The following PRTG variants were observed in gnomAD, a reference collection of about 807,000 sequenced individuals.
The protein encoded by PRTG is protogenin, also known as immunoglobulin superfamily, DCC subclass, member 5.
Under a neutral mutation model 122.5 loss-of-function variants are expected in PRTG, and 67 were observed. The ratio of observed to expected loss-of-function variants is 0.55; its 90% CI spans 0.45 to 0.67. The LOEUF (loss-of-function observed/expected upper bound fraction) is 0.67, where lower values mean the gene tolerates loss of function less well. Ranked by LOEUF, PRTG falls within the 30% of genes least tolerant of loss-of-function variation. PRTG has a pLI of 0.00. For missense variants in PRTG, 1,435 were observed against 1,415.4 expected (o/e 1.01, Z -0.22); for synonymous variants, 554 against 501.1 (o/e 1.11, Z -1.41).
chr15:55,668,265 A>G (rs1205369826), intron 11 of PRTG, among the ~76,000 whole-genome samples: 1 of 152,210 alleles, frequency 6.6e-6, no homozygotes, highest in Non-Finnish European at 1.5e-5. Context: ...CTAAATGTTA[A>G]ACAACAGTAT....
chr15:55,627,132 G>A lies in PRTG; in HGVS notation c.2807-4C>T, dbSNP rs368197514. ...AGATGGTAATATCCTGAATAAACTA[G>A]AAGGGAAAACACATTTACTCAGAAT... On this transcript the variant is annotated splice_region_variant and splice_polypyrimidine_tract_variant and intron_variant, in intron 16 of 19. Coordinates refer to ENST00000389286, the MANE Select transcript of PRTG (RefSeq NM_173814.6). 6.4e-7 allele frequency: 1 copy of A among 1,572,690 alleles called. No homozygotes were observed. The highest frequency in any genetic ancestry group is 8.7e-7 in the Non-Finnish European group (1 of 1,151,920).
At chr15:55,728,344 T>C (rs1230984355) in intron 2 of PRTG, among the ~76,000 whole-genome samples, 1 of 152,168 alleles carries the variant, frequency 6.6e-6, no homozygotes, top group Non-Finnish European at 1.5e-5. Context: ...TCTATGAATA[T>C]GGATGCAAAA....
intron 2 of PRTG, among the ~76,000 whole-genome samples, chr15:55,736,641 A>C (rs2031421362): frequency 6.6e-6 from 1 of 152,098 alleles, no homozygotes; most frequent in African/African-American, 2.4e-5. Flanking sequence ...ACCCCCAAAC[A>C]ACCTTACCAA....
At chr15:55,721,387 G>A (rs149977695) in intron 2 of PRTG, among the ~76,000 whole-genome samples, 238 of 152,252 alleles carry the variant, frequency 1.6e-3, no homozygotes, top group African/African-American at 5.6e-3. Context: ...TTCCAGGTTC[G>A]TTAACATGGT....
intron 11 of PRTG, chr15:55,656,340 A>G: frequency 4.4e-6 from 2 of 455,838 alleles, no homozygotes; most frequent in Non-Finnish European, 8.8e-6. Context: ...TGATGGTTTC[A>G]TTATTAGATT....
At chr15:55,645,743 G>A (rs1009040300) in intron 11 of PRTG, among the ~76,000 whole-genome samples, 2 of 151,948 alleles carry the variant, frequency 1.3e-5, no homozygotes, top group African/African-American at 4.8e-5. Flanking sequence ...AATGCCACAG[G>A]GAACCAGTCC....
At chr15:55,711,133 G>C (rs1391530785) in intron 2 of PRTG, among the ~76,000 whole-genome samples, 1 of 149,050 alleles carries the variant, frequency 6.7e-6, no homozygotes, top group African/African-American at 2.5e-5. Flanking sequence ...TGTTAGTCAG[G>C]CTGGTCTCGA....
At chr15:55,653,939 A>C (rs1389484875) in intron 11 of PRTG, among the ~76,000 whole-genome samples, 1 of 152,192 alleles carries the variant, frequency 6.6e-6, no homozygotes, top group Non-Finnish European at 1.5e-5. Flanking sequence ...ATTCTTTTAA[A>C]AACATTTTTT....
At chr15:55,716,521 A>C (rs1372787691) in intron 2 of PRTG, among the ~76,000 whole-genome samples, 1 of 152,192 alleles carries the variant, frequency 6.6e-6, no homozygotes, top group Non-Finnish European at 1.5e-5. Flanking sequence ...TTTCAGCAGG[A>C]AGCTGCAACA....
chr15:55,646,435 G>A (rs1595617174), intron 11 of PRTG, among the ~76,000 whole-genome samples: 1 of 151,772 alleles, frequency 6.6e-6, no homozygotes, highest in East Asian at 1.9e-4. Flanking sequence ...CCATTCTCCT[G>A]CCTCAGCCTC....
At chr15:55,699,044 C>T (rs2059647715) in intron 2 of PRTG, among the ~76,000 whole-genome samples, 1 of 152,142 alleles carries the variant, frequency 6.6e-6, no homozygotes, top group South Asian at 2.1e-4. Context: ...AGAGCCTTCC[C>T]AGAATCACAG....
At position 55,680,094 on chromosome 15, in the gene PRTG, T is replaced by C. The variant is rs145163075; in HGVS notation, c.933A>G (p.Thr311=). Reference sequence around the variant, plus strand: ...TTGCCATAGCAACTGTAAAGTTGCGTGTGCCAGGGGTAGTGGCCCGACAAA... The same window carrying C: ...TTGCCATAGCAACTGTAAAGTTGCGCGTGCCAGGGGTAGTGGCCCGACAAA... ...VYVCRATTPG[T]RNFTVAMATL... is the part of the protein sequence containing the mutation. The change falls in exon 6 of 20, where the codon ACA becomes ACG. Residue 311 remains threonine (T), a synonymous_variant. Coordinates refer to ENST00000389286, the MANE Select transcript of PRTG (RefSeq NM_173814.6). The C allele has an allele frequency of 4.6e-4, 738 of 1,613,816 alleles. No homozygotes were observed. The African/African-American group carries it at 8.9e-3, about 19-fold the overall frequency.
Position 55,620,140 on chromosome 15 carries a change from C to T in PRTG, c.3325G>A (p.Ala1109Thr), listed in dbSNP as rs940736995. Residue 1109 changes from alanine (A) to threonine (T), a missense_variant, in exon 20 of 20, where the codon GCT becomes ACT. Physicochemically the swap from Ala to Thr is moderately conservative, Grantham distance 58. Coordinates refer to ENST00000389286, the MANE Select transcript of PRTG (RefSeq NM_173814.6). ...CTATTTGCTGAATGTTCTGTATCAG[C>T]TGCAACACCAAAGGGTCTTGAGAAG... ...TSFSRPFGVA[A>T]DTEHSANSEG... 2 of 1,614,080 alleles carry T rather than the reference C, an allele frequency of 1.2e-6. No homozygotes were observed. Among genetic ancestry groups the T allele is most frequent in the Non-Finnish European group, 1.7e-6 (2 of 1,180,044 alleles).
chr15:55,639,932 G>C, intron 12 of PRTG, 104 bp from the exon 13 acceptor site: 1 of 1,490,510 alleles, frequency 6.7e-7, no homozygotes, highest in Non-Finnish European at 8.9e-7. Flanking sequence ...GTTGATTTTA[G>C]GTCTTTCTTC....
intron 12 of PRTG, 94 bp from the exon 13 acceptor site, chr15:55,639,922 G>C (rs1362916315): frequency 6.6e-7 from 1 of 1,504,716 alleles, no homozygotes; most frequent in African/African-American, 1.4e-5. Context: ...CACCCTATAA[G>C]TTGATTTTAG....
chr15:55,660,657 AG>A (rs1228481659), intron 11 of PRTG, among the ~76,000 whole-genome samples: 1 of 152,220 alleles, frequency 6.6e-6, no homozygotes, highest in Admixed American at 6.5e-5. Flanking sequence ...TGGGCCTACC[AG>A]ACAATCAACA....
chr15:55,712,054 T>C, intron 2 of PRTG, among the ~76,000 whole-genome samples: 1 of 152,178 alleles, frequency 6.6e-6, no homozygotes, highest in Non-Finnish European at 1.5e-5. Flanking sequence ...ATTCTGGAGC[T>C]AGGGCTTGAA....
At chr15:55,640,841 T>C (rs1224885735) in intron 12 of PRTG, among the ~76,000 whole-genome samples, 2 of 147,712 alleles carry the variant, frequency 1.4e-5, no homozygotes, top group African/African-American at 5.1e-5. Flanking sequence ...GAAAACCCCG[T>C]CTCTACTAAA....
intron 7 of PRTG, among the ~76,000 whole-genome samples, 181 bp downstream of exon 7, chr15:55,679,105 T>C (rs889252997): frequency 6.6e-6 from 1 of 152,204 alleles, no homozygotes; most frequent in South Asian, 2.1e-4. Context: ...TACCAATGAG[T>C]ATTTAGCATA....
Sources: gnomAD v4.1 joint callset for allele counts (sites outside exome capture counted in the v4.1 genomes callset) on GRCh38, gnomAD v4.1.1 for gene constraint, MANE v1.5 for transcripts, NCBI Gene and HGNC (gene_info 2026-07-23, HGNC 2026-07-21) for gene names.